Variants in SPAG16 observed in about 807,000 individuals in gnomAD.
SPAG16 encodes sperm associated antigen 16.
SPAG16 carries 86 observed loss-of-function variants against 80.4 expected under a neutral mutation model. The ratio of observed to expected loss-of-function variants is 1.07; its 90% CI spans 0.90 to 1.28. The LOEUF (loss-of-function observed/expected upper bound fraction) is 1.28. Ranked by LOEUF, SPAG16 falls within the 50% of genes most tolerant of loss-of-function variation. SPAG16 has a pLI of 0.00. For missense variants in SPAG16, 870 were observed against 765.3 expected, an observed-to-expected ratio of 1.14 and a Z score of -1.61; for synonymous variants, 294 against 265.9, an observed-to-expected ratio of 1.11 and a Z score of -1.03.
intron 15 of SPAG16, among the ~76,000 whole-genome samples, chr2:214,181,999 G>T (rs2057322835): frequency 6.6e-6 from 1 of 151,736 alleles, no homozygotes; most frequent in African/African-American, 2.4e-5. Flanking sequence ...AACAGAAAAT[G>T]CAACAGTGAT....
chr2:213,870,761 T>G (rs1325832388), intron 11 of SPAG16, among the ~76,000 whole-genome samples: 1 of 152,204 alleles, frequency 6.6e-6, no homozygotes, highest in African/African-American at 2.4e-5. Flanking sequence ...TAGGTCTGGT[T>G]TGCTGTAAAA....
chr2:214,034,568 G>T (rs900788870), intron 13 of SPAG16, among the ~76,000 whole-genome samples: 2 of 152,246 alleles, frequency 1.3e-5, no homozygotes, highest in African/African-American at 4.8e-5. Context: ...AGACAGCATG[G>T]GGTCTAGCCA....
At chr2:214,236,423 G>C (rs573876622) in intron 15 of SPAG16, among the ~76,000 whole-genome samples, 2 of 152,240 alleles carry the variant, frequency 1.3e-5, no homozygotes, top group East Asian at 3.9e-4. Flanking sequence ...AGGCCTAGTC[G>C]GGTGGATCTT....
chr2:214,227,549 C>T (rs1912178), intron 15 of SPAG16, among the ~76,000 whole-genome samples: 143,394 of 151,990 alleles, frequency 0.94, 68,041 homozygotes, highest in Non-Finnish European at 1. Context: ...CTTTCTCTTC[C>T]TTCCTTGATT....
chr2:213,683,101 C>T (rs986806213), intron 10 of SPAG16, among the ~76,000 whole-genome samples: 5 of 152,110 alleles, frequency 3.3e-5, no homozygotes, highest in African/African-American at 1.2e-4. Context: ...AAAGAACTCC[C>T]TTATTGATTA....
intron 15 of SPAG16, chr2:214,239,185 C>G (rs1689292730): frequency 6.6e-6 from 1 of 152,094 alleles, no homozygotes; most frequent in South Asian, 2.1e-4. Flanking sequence ...CAAGCACCAC[C>G]ATGCCTGGCT....
intron 10 of SPAG16, among the ~76,000 whole-genome samples, chr2:213,595,143 G>C (rs1175479646): frequency 2.6e-5 from 4 of 151,768 alleles, no homozygotes; most frequent in African/African-American, 9.7e-5. Context: ...TAATTTAGAA[G>C]CATGATATAA....
At chr2:214,345,395 C>T (rs1015915053) in intron 15 of SPAG16, among the ~76,000 whole-genome samples, 3 of 152,034 alleles carry the variant, frequency 2.0e-5, no homozygotes, top group East Asian at 1.9e-4. Context: ...CAATTCAGCC[C>T]GCTCTCATCT....
chr2:213,566,884 C>A (rs1214074181), intron 10 of SPAG16, among the ~76,000 whole-genome samples: 2 of 152,150 alleles, frequency 1.3e-5, no homozygotes, highest in Non-Finnish European at 2.9e-5. Flanking sequence ...GATTGTGACA[C>A]CAAATATAAG....
chr2:214,177,918 T>TATATATAC (rs2057158296), intron 15 of SPAG16, among the ~76,000 whole-genome samples: 2 of 127,508 alleles, frequency 1.6e-5, no homozygotes, highest in Admixed American at 1.7e-4. Context: ...TATATATACA[T>TATATATAC]ATATATATAT....
At chr2:214,070,516 AT>A (rs987035493) in intron 13 of SPAG16, among the ~76,000 whole-genome samples, 79 of 151,784 alleles carry the variant, frequency 5.2e-4, no homozygotes, top group Non-Finnish European at 9.9e-4. Context: ...TACAAAAGCA[AT>A]TTTTTTTCTA....
intron 10 of SPAG16, among the ~76,000 whole-genome samples, chr2:213,848,163 T>G (rs771514940): frequency 6.6e-6 from 1 of 152,194 alleles, no homozygotes; most frequent in Non-Finnish European, 1.5e-5. Context: ...CTTGTAAAAA[T>G]GGAAGCTCTA....
intron 10 of SPAG16, among the ~76,000 whole-genome samples, chr2:213,558,155 A>G (rs569385808): frequency 1.3e-5 from 2 of 152,298 alleles, no homozygotes; most frequent in African/African-American, 4.8e-5. Flanking sequence ...GAATGTAAAC[A>G]TATTAGGACC....
At position 213,700,052 on chromosome 2, in the gene SPAG16, G is replaced by A. The variant is rs148881432; in HGVS notation, c.1071-162433G>A. Among the ~76,000 whole-genome samples, 1,252 of 152,210 alleles carry A rather than the reference G, an allele frequency of 8.2e-3. 17 individuals carry two copies. The highest frequency in any genetic ancestry group is 0.029 in the African/African-American group (1,188 of 41,530). ...AACATATCTATCTGTCATGATTACAGTTCTCTTTGTGGTAATATATTATCA... is the reference window on the plus strand; with the variant it reads ...AACATATCTATCTGTCATGATTACAATTCTCTTTGTGGTAATATATTATCA... On this transcript the variant is annotated intron_variant, in intron 10 of 15. Coordinates refer to ENST00000331683, the MANE Select transcript of SPAG16 (RefSeq NM_024532.5).
chr2:213,746,999 A>C (rs1034492715), intron 10 of SPAG16, among the ~76,000 whole-genome samples: 5 of 152,174 alleles, frequency 3.3e-5, no homozygotes, highest in African/African-American at 9.7e-5. Flanking sequence ...GAAGTATTCC[A>C]TAAGAAGGTA....
Position 213,340,207 on chromosome 2 carries a change from T to TCCTGGCAGGAAACAGCACCTGGGAAAC in SPAG16, c.581_582insCCTGGCAGGAAACAGCACCTGGGAAAC (p.Phe194_His195insLeuAlaGlyAsnSerThrTrpGluThr), listed in dbSNP as rs1356516737. Reference sequence around the variant, plus strand: ...CTGAAAATTCAGAAAGAACGTGATTTTCATCGAATGCATCATAAGCGAATA... The same window carrying TCCTGGCAGGAAACAGCACCTGGGAAAC: ...CTGAAAATTCAGAAAGAACGTGATTTCCTGGCAGGAAACAGCACCTGGGAAACTCATCGAATGCATCATAAGCGAATA... On this transcript the variant is annotated inframe_insertion, in exon 6 of 16. Coordinates refer to ENST00000331683, the MANE Select transcript of SPAG16 (RefSeq NM_024532.5). 1 of 1,612,914 alleles carries TCCTGGCAGGAAACAGCACCTGGGAAAC rather than the reference T, an allele frequency of 6.2e-7. No homozygotes were observed. The highest frequency in any genetic ancestry group is 1.3e-5 in the African/African-American group (1 of 74,884).
intron 10 of SPAG16, among the ~76,000 whole-genome samples, chr2:213,728,854 G>A (rs1173026609): frequency 9.0e-6 from 1 of 110,988 alleles, no homozygotes; most frequent in African/African-American, 3.5e-5. Context: ...TCCAGCCTGG[G>A]CGACAGAGTG....
chr2:214,244,974 A>G (rs544244210), intron 15 of SPAG16, among the ~76,000 whole-genome samples: 1 of 152,180 alleles, frequency 6.6e-6, no homozygotes, highest in African/African-American at 2.4e-5. Flanking sequence ...TCTTAACTAC[A>G]TTTCCAAACC....
At chr2:213,549,730 T>A (rs1559244794) in intron 10 of SPAG16, among the ~76,000 whole-genome samples, 1 of 152,194 alleles carries the variant, frequency 6.6e-6, no homozygotes, top group Non-Finnish European at 1.5e-5. Flanking sequence ...GAAGTACTCA[T>A]ATCTCAATAT....
Sources: gnomAD v4.1 joint callset for allele counts (sites outside exome capture counted in the v4.1 genomes callset) on GRCh38, gnomAD v4.1.1 for gene constraint, MANE v1.5 for transcripts, NCBI Gene and HGNC (gene_info 2026-07-23, HGNC 2026-07-21) for gene names.